SLC9A3: variants seen among roughly 807,000 people sequenced by gnomAD.
SLC9A3 encodes sodium/hydrogen exchanger 3.
In SLC9A3, 37 loss-of-function variants were observed where a neutral mutation model predicts 86.8. The ratio of observed to expected loss-of-function variants is 0.43; its 90% confidence interval spans 0.33 to 0.56. The LOEUF (loss-of-function observed/expected upper bound fraction) is 0.56, where lower values mean the gene tolerates loss of function less well. SLC9A3 is among the 20% of genes least tolerant of loss of function. The pLI is 0.06. For synonymous variants in SLC9A3, 581 were observed against 528.3 expected, an observed-to-expected ratio of 1.10 and a Z score of -1.37; for missense variants, 1,011 against 1,171.9, an observed-to-expected ratio of 0.86 and a Z score of 2.00.
In SLC9A3 at chr5:482,500, C is replaced by T. The variant is rs780728708; in HGVS notation, c.1356+48G>A. 6 of 1,496,084 alleles carry T rather than the reference C, an allele frequency of 4.0e-6. No individual in the cohort carries two copies. In the Admixed American group the frequency reaches 1.1e-4, roughly 26 times the overall value. The allele number at this position is 1,496,084 out of a possible 1,614,324, so 92.7% of individuals were successfully genotyped here. A position where few individuals can be genotyped will look rare whatever the true frequency, so the allele number is the denominator to read the frequency against. On this transcript the variant is annotated intron_variant, in intron 7 of 16. Transcript: ENST00000264938. ...GTCCTGAAGTGCGGGCCCAGGCTCC[C>T]CTCGCGGGCGGGGCCGAGACCCCAG...
Position 482,574 on chromosome 5 carries a change from C to T in SLC9A3, c.1330G>A (p.Val444Ile), listed in dbSNP as rs1274861552. The T allele has an allele frequency of 1.7e-5, 27 of 1,612,654 alleles. No homozygotes were observed. The highest frequency in any genetic ancestry group is 3.3e-5 in the South Asian group (3 of 91,076). Residue 444 changes from valine to isoleucine, a missense_variant, in exon 7 of 17, where the codon GTA becomes ATA. Physicochemically the swap from Val to Ile is conservative, Grantham distance 29. Coordinates refer to ENST00000264938, the MANE Select transcript of SLC9A3 (RefSeq NM_004174.4). ...TGGAAGATGACGGTGAAGAACACTA[C>T]GATGATGGTGGTGCTGACGAACAGG... is the stretch of plus-strand genomic sequence containing the variant. ...KNLFVSTTII[V>I]VFFTVIFQGL...
In SLC9A3 at chr5:491,758, C is replaced by A; in HGVS notation, c.514+11G>T. 6.6e-7 allele frequency: 1 copy of A among 1,514,366 alleles called. No homozygotes were observed. The highest frequency in any genetic ancestry group is 2.4e-5 in the East Asian group (1 of 40,882). 93.8% of individuals were successfully genotyped at this position (1,514,366 alleles called of 1,614,324 possible). Reference sequence around the variant, plus strand: ...CTGATCCCGGCCGGGGCAACAGTGGCGCAGACTCACCCATGAGCCCACTGA... The same window carrying A: ...CTGATCCCGGCCGGGGCAACAGTGGAGCAGACTCACCCATGAGCCCACTGA... On this transcript the variant is annotated intron_variant, in intron 2 of 16. Transcript: ENST00000264938. The surrounding 1 kb of genome is among the most constrained non-coding windows in gnomAD (Gnocchi z 9.2).
At chr5:493,767 G>A (rs1462332299) in intron 1 of SLC9A3, among the ~76,000 whole-genome samples, 1 of 30,976 alleles carries the variant, frequency 3.2e-5, no homozygotes, top group Admixed American at 2.1e-4. Context: ...GGGAGGTCCT[G>A]CTGTGGGCCC....
intron 9 of SLC9A3, chr5:480,895 CTT>C (rs890189261): frequency 7.9e-5 from 12 of 152,162 alleles, no homozygotes; most frequent in African/African-American, 2.7e-4. Context: ...TGGACAAACT[CTT>C]TTTTTTATTT....
rs770930244 is a variant in SLC9A3 at position 477,323 on chromosome 5, G to GC, written c.1760+8dup. On this transcript the variant is annotated intron_variant, in intron 11 of 16. Coordinates refer to ENST00000264938, the MANE Select transcript of SLC9A3 (RefSeq NM_004174.4). ...TCCCCAGGGAAGCTGCATGACCATG[G>GC]CCACATACAGGAGGTAGGAGACAGA... 34 of 1,572,512 alleles carry GC rather than the reference G, an allele frequency of 2.2e-5. No homozygotes were observed. The highest frequency in any genetic ancestry group is 1.0e-4 in the South Asian group (9 of 89,502).
chr5:520,298 C>T (rs1733848555), intron 1 of SLC9A3, among the ~76,000 whole-genome samples: 1 of 152,198 alleles, frequency 6.6e-6, no homozygotes, highest in South Asian at 2.1e-4. Context: ...AGCCCCTCCC[C>T]GGTTTCCGAC....
chr5:477,835 C>A, intron 10 of SLC9A3: 1 of 178,098 alleles, frequency 5.6e-6, no homozygotes, highest in Non-Finnish European at 1.2e-5. Flanking sequence ...GGCCTCATGT[C>A]CAGAACTGAA....
chr5:493,280 A>G (rs1167170118), intron 1 of SLC9A3, among the ~76,000 whole-genome samples: 2 of 152,258 alleles, frequency 1.3e-5, no homozygotes, highest in East Asian at 1.9e-4. Flanking sequence ...AATTCAAAGG[A>G]AAGTTGTCTC....
chr5:507,229 C>T (rs866836752), intron 1 of SLC9A3, among the ~76,000 whole-genome samples: 8 of 98,426 alleles, frequency 8.1e-5, no homozygotes, highest in Admixed American at 1.5e-4. Context: ...AGTGCGGTGG[C>T]GCGATCTGGG....
In SLC9A3 at chr5:524,338, G is replaced by C; in HGVS notation, c.-16C>G. Reference sequence around the variant, plus strand: ...GTCCCCACATTGCCGCCTGCTCAGCGCAGGGCTGGGACGCGCATGTCGCGG... The same window carrying C: ...GTCCCCACATTGCCGCCTGCTCAGCCCAGGGCTGGGACGCGCATGTCGCGG... On this transcript the variant is annotated 5_prime_UTR_variant, in exon 1 of 17. Coordinates refer to ENST00000264938, the MANE Select transcript of SLC9A3 (RefSeq NM_004174.4). 8.6e-7 allele frequency: 1 copy of C among 1,164,268 alleles called. No individual in the cohort carries two copies. Among genetic ancestry groups the C allele is most frequent in the Non-Finnish European group, 1.1e-6 (1 of 927,934 alleles). The allele number at this position is 1,164,268 out of a possible 1,614,324, so 72.1% of individuals were successfully genotyped here. A position where few individuals can be genotyped will look rare whatever the true frequency, so the allele number is the denominator to read the frequency against.
intron 1 of SLC9A3, among the ~76,000 whole-genome samples, chr5:506,015 G>A (rs866768091): frequency 1.1e-4 from 17 of 151,994 alleles, no homozygotes; most frequent in African/African-American, 3.6e-4. Flanking sequence ...TTCAGGTCTC[G>A]CTGACCTTTA....
In SLC9A3 at chr5:482,652, C is replaced by T; in HGVS notation, c.1252G>A (p.Val418Met). 3.1e-6 allele frequency: 5 copies of T among 1,612,590 alleles called. No individual in the cohort carries two copies. The highest frequency in any genetic ancestry group is 4.2e-6 in the Non-Finnish European group (5 of 1,179,792). ...VLSYGGLRGA[V>M]AFALVVLLDG... is the part of the protein sequence containing the mutation. ...AGAAGCACCACCAGGGCAAAGGCCA[C>T]GGCCCCGCGCAGGCCCCCGTAGGAC... Residue 418 changes from valine (V) to methionine (M), a missense_variant, in exon 7 of 17, where the codon GTG (valine) becomes ATG (methionine). By Grantham distance (21) the Val-to-Met change is conservative (BLOSUM62 1). Coordinates refer to ENST00000264938, the MANE Select transcript of SLC9A3 (RefSeq NM_004174.4).
chr5:480,351 G>GTT, intron 9 of SLC9A3: 1 of 176,164 alleles, frequency 5.7e-6, no homozygotes, highest in Non-Finnish European at 1.2e-5. Flanking sequence ...CCAGAGTGAG[G>GTT]TTTTTTTTAG....
At chr5:478,546 C>G (rs531782450) in intron 10 of SLC9A3, 1 of 154,144 alleles carries the variant, frequency 6.5e-6, no homozygotes, top group Non-Finnish European at 1.5e-5. Flanking sequence ...GTGGGGACCC[C>G]CGCTACTGAG....
At chr5:500,290 C>T (rs1007453443) in intron 1 of SLC9A3, among the ~76,000 whole-genome samples, 26 of 152,370 alleles carry the variant, frequency 1.7e-4, no homozygotes, top group South Asian at 6.2e-4. Flanking sequence ...GCTCCACAGA[C>T]GGAACCGGCT....
At chr5:523,793 C>G (rs1160633782) in intron 1 of SLC9A3, among the ~76,000 whole-genome samples, 1 of 152,198 alleles carries the variant, frequency 6.6e-6, no homozygotes. Flanking sequence ...CCCGGGGACT[C>G]CCTGGGCGCG....
chr5:492,874 T>G (rs1384329057), intron 1 of SLC9A3, among the ~76,000 whole-genome samples: 1 of 152,016 alleles, frequency 6.6e-6, no homozygotes, highest in East Asian at 1.9e-4. Context: ...CTCGTGCCCC[T>G]CTCCTGGGAT....
chr5:484,790 C>T (rs1739388383), intron 4 of SLC9A3, 93 bp from the exon 5 acceptor site: 5 of 1,225,236 alleles, frequency 4.1e-6, no homozygotes, highest in East Asian at 2.4e-5. Context: ...GCCGGGAGCC[C>T]GGGAAACGGG....
intron 1 of SLC9A3, among the ~76,000 whole-genome samples, chr5:507,688 AC>A (rs1440261716): frequency 5.3e-5 from 4 of 75,436 alleles, no homozygotes; most frequent in East Asian, 6.2e-4. Context: ...CCGAATCCCC[AC>A]CCCGCAGACG....
Sources: allele counts gnomAD v4.1 joint callset (sites outside exome capture counted in the v4.1 genomes callset), GRCh38; gene constraint gnomAD v4.1.1; non-coding constraint Gnocchi (gnomAD v3.1); transcripts MANE v1.5; gene names NCBI Gene and HGNC (gene_info 2026-07-23, HGNC 2026-07-21).